Variants in EXOC6B observed in about 807,000 individuals in gnomAD.
The protein encoded by EXOC6B is exocyst complex component 6B, also known as SEC15 homolog B.
Under a neutral mutation model 113.5 loss-of-function variants are expected in EXOC6B, and 54 were observed. The observed-to-expected ratio is 0.48, with a 90% confidence interval of 0.38 to 0.60. The LOEUF (loss-of-function observed/expected upper bound fraction) is 0.60, where lower values mean the gene tolerates loss of function less well. EXOC6B is among the 20% of genes least tolerant of loss of function. The probability of loss-of-function intolerance (pLI) is 0.00; values close to 1 mark genes in which losing one functional copy is unlikely to be tolerated. For synonymous variants in EXOC6B, 357 were observed against 339.0 expected (o/e 1.05, Z -0.58); for missense variants, 797 against 977.5 (o/e 0.82, Z 2.46).
chr2:72,464,039 A>G (rs931079806), intron 18 of EXOC6B: 1 of 152,168 alleles, frequency 6.6e-6, no homozygotes, highest in African/African-American at 2.4e-5. Flanking sequence ...AGGCTCTACC[A>G]TCATAATCTA....
At chr2:72,431,374 C>A (rs1042316815) in intron 18 of EXOC6B, among the ~76,000 whole-genome samples, 18 of 152,040 alleles carry the variant, frequency 1.2e-4, no homozygotes, top group Admixed American at 1.2e-3. Context: ...TGCAGTGGCA[C>A]AATCACAGCT....
At chr2:72,823,482 A>AAAAAAAAAAAAG (rs1686713143) in intron 1 of EXOC6B, among the ~76,000 whole-genome samples, 1 of 138,984 alleles carries the variant, frequency 7.2e-6, no homozygotes, top group East Asian at 2.0e-4. Flanking sequence ...AAAAAAACAA[A>AAAAAAAAAAAAG]AAACAAAAAA....
At chr2:72,701,341 C>CAAAA (rs34639104) in intron 6 of EXOC6B, among the ~76,000 whole-genome samples, 1 of 57,326 alleles carries the variant, frequency 1.7e-5, no homozygotes, top group African/African-American at 6.1e-5. Flanking sequence ...ACTCCATCTT[C>CAAAA]AAAAAAAAAA....
intron 11 of EXOC6B, among the ~76,000 whole-genome samples, chr2:72,512,319 G>A (rs1020056866): frequency 3.1e-4 from 7 of 22,834 alleles, no homozygotes; most frequent in Non-Finnish European, 5.2e-4. Flanking sequence ...AAACACGGAA[G>A]GAAGGAAGGA....
chr2:72,242,207 C>T (rs551877467), intron 20 of EXOC6B, among the ~76,000 whole-genome samples: 3 of 152,182 alleles, frequency 2.0e-5, no homozygotes, highest in African/African-American at 4.8e-5. Context: ...AGAAAAAGCC[C>T]TAAATAAGGC....
At chr2:72,445,595 T>G (rs1176135134) in intron 18 of EXOC6B, among the ~76,000 whole-genome samples, 4 of 152,100 alleles carry the variant, frequency 2.6e-5, no homozygotes, top group Non-Finnish European at 5.9e-5. Context: ...GAAGAACAAG[T>G]CATATGTGGA....
At chr2:72,410,011 G>T (rs575439760) in intron 18 of EXOC6B, among the ~76,000 whole-genome samples, 1 of 152,302 alleles carries the variant, frequency 6.6e-6, no homozygotes, top group African/African-American at 2.4e-5. Context: ...ACAAGCGCAA[G>T]TAAAAATTGC....
chr2:72,181,444 A>G (rs532810017), intron 21 of EXOC6B, among the ~76,000 whole-genome samples: 1 of 152,342 alleles, frequency 6.6e-6, no homozygotes, highest in South Asian at 2.1e-4. Flanking sequence ...TTGCACAATT[A>G]CATTTGTAGA....
chr2:72,457,888 G>A (rs928848024), intron 18 of EXOC6B, among the ~76,000 whole-genome samples: 5 of 152,056 alleles, frequency 3.3e-5, no homozygotes, highest in African/African-American at 1.2e-4. Flanking sequence ...TTTCTCCTCT[G>A]ACCACTGCCT....
chr2:72,784,392 AC>A (rs1684252992), intron 1 of EXOC6B, among the ~76,000 whole-genome samples: 1 of 152,172 alleles, frequency 6.6e-6, no homozygotes, highest in South Asian at 2.1e-4. Context: ...TGACATTGAT[AC>A]TTTGATAAGG....
At chr2:72,708,127 T>C (rs1558937485) in intron 6 of EXOC6B, among the ~76,000 whole-genome samples, 3 of 152,120 alleles carry the variant, frequency 2.0e-5, no homozygotes, top group South Asian at 4.1e-4. Context: ...AAAGTCTCTA[T>C]TGTATAAAGA....
intron 18 of EXOC6B, among the ~76,000 whole-genome samples, chr2:72,392,347 C>G (rs1369693706): frequency 6.6e-6 from 1 of 152,222 alleles, no homozygotes; most frequent in African/African-American, 2.4e-5. Context: ...TGGTGGCATT[C>G]AGTGCTAAGT....
At chr2:72,543,682 A>G (rs566956247) in intron 8 of EXOC6B, among the ~76,000 whole-genome samples, 1 of 152,342 alleles carries the variant, frequency 6.6e-6, no homozygotes, top group East Asian at 1.9e-4. Flanking sequence ...ATTAGCCCAT[A>G]GTGCAGGAAA....
intron 16 of EXOC6B, among the ~76,000 whole-genome samples, chr2:72,487,599 T>G (rs1002986241): frequency 1.3e-5 from 2 of 152,208 alleles, no homozygotes; most frequent in Non-Finnish European, 2.9e-5. Context: ...GAGCTCGTGA[T>G]TCACCCGCCT....
chr2:72,422,221 G>A (rs879633798), intron 18 of EXOC6B, among the ~76,000 whole-genome samples: 10 of 152,336 alleles, frequency 6.6e-5, no homozygotes, highest in South Asian at 2.1e-4. Flanking sequence ...AGCACCCGGC[G>A]CGGGACTGGC....
At chr2:72,454,182 T>G (rs899991512) in intron 18 of EXOC6B, among the ~76,000 whole-genome samples, 1 of 152,110 alleles carries the variant, frequency 6.6e-6, no homozygotes, top group Non-Finnish European at 1.5e-5. Flanking sequence ...TGACCAAGTA[T>G]AGCAATATCT....
intron 6 of EXOC6B, among the ~76,000 whole-genome samples, chr2:72,619,349 A>G (rs79690106): frequency 0.017 from 2,660 of 152,250 alleles, 102 homozygotes; most frequent in African/African-American, 0.062. Context: ...CATTATACCT[A>G]ATTACAAAAA....
intron 19 of EXOC6B, among the ~76,000 whole-genome samples, chr2:72,364,809 G>T (rs980939121): frequency 6.6e-6 from 1 of 152,098 alleles, no homozygotes; most frequent in Non-Finnish European, 1.5e-5. Flanking sequence ...TCTTGTAGTT[G>T]ATCATTCGCA....
intron 8 of EXOC6B, among the ~76,000 whole-genome samples, chr2:72,519,780 C>T (rs553510731): frequency 3.3e-5 from 5 of 152,052 alleles, no homozygotes; most frequent in Non-Finnish European, 7.4e-5. Context: ...CTTCCAAGTG[C>T]CAAGTGTTTG....
Sources: allele counts gnomAD v4.1 joint callset (sites outside exome capture counted in the v4.1 genomes callset), GRCh38; gene constraint gnomAD v4.1.1; transcripts MANE v1.5; gene names NCBI Gene and HGNC (gene_info 2026-07-23, HGNC 2026-07-21).